The following ALDH5A1 variants were observed in gnomAD, a reference collection of about 807,000 sequenced individuals.
ALDH5A1 encodes aldehyde dehydrogenase 5 family member A1.
A neutral mutation model predicts 54.7 loss-of-function variants in ALDH5A1; 33 were observed. That is an observed-to-expected ratio of 0.60 (90% confidence interval 0.46 to 0.81). The LOEUF (loss-of-function observed/expected upper bound fraction) is 0.81. Ranked by LOEUF, ALDH5A1 falls within the 30% of genes least tolerant of loss-of-function variation. ALDH5A1 has a pLI of 0.00. For missense variants in ALDH5A1, 657 were observed against 711.0 expected, an observed-to-expected ratio of 0.92 and a Z score of 0.86; for synonymous variants, 294 against 292.7, an observed-to-expected ratio of 1.00 and a Z score of -0.05.
At chr6:24,506,373 C>T (rs1254008452) in intron 4 of ALDH5A1, among the ~76,000 whole-genome samples, 4 of 149,962 alleles carry the variant, frequency 2.7e-5, no homozygotes, top group African/African-American at 9.8e-5. Flanking sequence ...CTGCCTCAGC[C>T]TCCCGAGTAG....
intron 4 of ALDH5A1, 143 bp from the exon 5 acceptor site, chr6:24,515,024 A>G: frequency 1.3e-6 from 1 of 799,642 alleles, no homozygotes; most frequent in Non-Finnish European, 2.0e-6. Flanking sequence ...CTTCAAATAT[A>G]TTCTTAGTCT....
intron 1 of ALDH5A1, among the ~76,000 whole-genome samples, chr6:24,499,710 G>A (rs183698722): frequency 0.047 from 4,701 of 100,276 alleles, 166 homozygotes; most frequent in African/African-American, 0.12. Context: ...TCTGTCACCC[G>A]GGCTGGAGTG....
At position 24,495,201 on chromosome 6, in the gene ALDH5A1, T is replaced by C. The variant is rs1333816263; in HGVS notation, c.205T>C (p.Trp69Arg). 6.6e-7 allele frequency: 1 copy of C among 1,506,022 alleles called. No homozygotes were observed. The allele number at this position is 1,506,022 out of a possible 1,614,324, so 93.3% of individuals were successfully genotyped here. A position where few individuals can be genotyped will look rare whatever the true frequency, so the allele number is the denominator to read the frequency against. ...CACCGACAGCTTCGTGGGCGGCCGCTGGCTCCCGGCCGCCGCCACCTTCCC... is the reference window on the plus strand; with the variant it reads ...CACCGACAGCTTCGTGGGCGGCCGCCGGCTCCCGGCCGCCGCCACCTTCCC... Reference protein sequence around the residue: ...LRTDSFVGGRWLPAAATFPVQ... With the variant: ...LRTDSFVGGRRLPAAATFPVQ... The change falls in exon 1 of 10, where the codon TGG becomes CGG. Residue 69 changes from tryptophan to arginine, a missense_variant. Physicochemically the swap from Trp to Arg is moderately radical, Grantham distance 101. Around this residue, in one of 2 missense-constraint regions of ALDH5A1, gnomAD observed 232 missense variants for 194.6 expected, o/e 1.19. Transcript: ENST00000357578.
intron 5 of ALDH5A1, among the ~76,000 whole-genome samples, chr6:24,519,876 T>C (rs1222192916): frequency 6.6e-6 from 1 of 152,138 alleles, no homozygotes; most frequent in Non-Finnish European, 1.5e-5. Flanking sequence ...TTTATTTTCT[T>C]ATCTCTATGA....
At chr6:24,532,231 G>A in intron 9 of ALDH5A1, 54 bp downstream of exon 9, 1 of 1,567,340 alleles carries the variant, frequency 6.4e-7, no homozygotes, top group African/African-American at 1.3e-5. Flanking sequence ...TCCAGCTCAT[G>A]CCAGATTTAC....
chr6:24,529,127 C>A (rs1354261052), intron 8 of ALDH5A1, among the ~76,000 whole-genome samples: 3 of 152,008 alleles, frequency 2.0e-5, no homozygotes, highest in Non-Finnish European at 4.4e-5. Context: ...TAGGTTCAAC[C>A]CTTTGGAGAT....
At position 24,503,432 on chromosome 6, in the gene ALDH5A1, C is replaced by G; in HGVS notation, c.608C>G (p.Pro203Arg). 1.9e-6 allele frequency: 3 copies of G among 1,611,808 alleles called. No homozygotes were observed. Among genetic ancestry groups the G allele is most frequent in the Non-Finnish European group, 2.5e-6 (3 of 1,179,872 alleles). The change falls in exon 3 of 10, where the codon CCG becomes CGG. Residue 203 changes from proline (P) to arginine (R), a missense_variant and splice_region_variant. This residue lies in a region of ALDH5A1 where 425 missense variants were observed against 516.4 expected (regional missense o/e 0.82). Coordinates refer to ENST00000357578, the MANE Select transcript of ALDH5A1 (RefSeq NM_001080.3). Reference sequence around the variant, plus strand: ...ATAGGCGTGGCTGCAGTCATCACCCCGGTAGGTGACAGGATCAGCAAGATC... The same window carrying G: ...ATAGGCGTGGCTGCAGTCATCACCCGGGTAGGTGACAGGATCAGCAAGATC... ...QPIGVAAVIT[P>R]WNFPSAMITR...
intron 4 of ALDH5A1, among the ~76,000 whole-genome samples, chr6:24,508,361 CAAAAAAAAAAAAAA>C (rs1214819272): frequency 7.7e-5 from 1 of 13,064 alleles, no homozygotes; most frequent in East Asian, 1.6e-3. Flanking sequence ...ACTCCATCTC[CAAAAAAAAAAAAAA>C]AAAAAAAAAA....
In ALDH5A1 at chr6:24,502,543, G is replaced by A. The variant is rs1561869241; in HGVS notation, c.375G>A (p.Arg125=). 1.9e-6 allele frequency: 3 copies of A among 1,613,054 alleles called. No individual in the cohort carries two copies. The highest frequency in any genetic ancestry group is 2.5e-6 in the Non-Finnish European group (3 of 1,179,076). ...TGCAGGAGAGGAGTTCATTACTTCG[G>A]AAGTGGTACAATTTAATGATACAAA... ...VSAKERSSLL[R]KWYNLMIQNK... is the part of the protein sequence containing the mutation. The change falls in exon 2 of 10, where the codon CGG becomes CGA. Residue 125 remains arginine, a synonymous_variant. Transcript: ENST00000357578.
At chr6:24,520,805 C>G (rs575823223) in intron 6 of ALDH5A1, among the ~76,000 whole-genome samples, 1 of 152,184 alleles carries the variant, frequency 6.6e-6, no homozygotes, top group Non-Finnish European at 1.5e-5. Context: ...ATACTAGGCT[C>G]AGAGGGGCCC....
chr6:24,531,818 C>CT (rs892839940), intron 8 of ALDH5A1, among the ~76,000 whole-genome samples: 78 of 151,324 alleles, frequency 5.2e-4, no homozygotes, highest in African/African-American at 1.4e-3. Flanking sequence ...AATAGTAATC[C>CT]TTTTTTTTTA....
chr6:24,522,736 CTG>C, intron 6 of ALDH5A1, 29 bp from the exon 7 acceptor site: 2 of 1,612,576 alleles, frequency 1.2e-6, no homozygotes, highest in Non-Finnish European at 1.7e-6. Flanking sequence ...TTCTGACAGA[CTG>C]TGTGGGTTTG....
chr6:24,502,594 C>G lies in ALDH5A1; in HGVS notation c.426C>G (p.Ile142Met), dbSNP rs1338464163. ...ATAAGGATGACCTTGCCAGAATAAT[C>G]ACAGCTGAAAGTGTAAGTTCAGGGT... ...IQNKDDLARI[I>M]TAESGKPLKE... The change falls in exon 2 of 10, where the codon ATC becomes ATG. Residue 142 changes from isoleucine (I) to methionine (M), a missense_variant. Transcript: ENST00000357578. 2 of 1,612,620 alleles carry G rather than the reference C, an allele frequency of 1.2e-6. No homozygotes were observed. The highest frequency in any genetic ancestry group is 2.7e-5 in the African/African-American group (2 of 74,892).
chr6:24,502,525 G>A lies in ALDH5A1; in HGVS notation c.357G>A (p.Glu119=). 6.2e-7 allele frequency: 1 copy of A among 1,608,842 alleles called. No individual in the cohort carries two copies. Among genetic ancestry groups the A allele is most frequent in the Non-Finnish European group, 8.5e-7 (1 of 1,175,174 alleles). ...FCRWREVSAK[E]RSSLLRKWYN... is the part of the protein sequence containing the mutation. ...CTGCCTTGTTATTTCTTTTGCAGGAGAGGAGTTCATTACTTCGGAAGTGGT... is the reference window on the plus strand; with the variant it reads ...CTGCCTTGTTATTTCTTTTGCAGGAAAGGAGTTCATTACTTCGGAAGTGGT... The change falls in exon 2 of 10, where the codon GAG becomes GAA. Residue 119 remains glutamate (E), a splice_region_variant and synonymous_variant. Transcript: ENST00000357578.
At chr6:24,501,940 T>TAC (rs1764829855) in intron 1 of ALDH5A1, among the ~76,000 whole-genome samples, 2 of 127,134 alleles carry the variant, frequency 1.6e-5, no homozygotes, top group Non-Finnish European at 1.6e-5. Context: ...TGTGTGTGTG[T>TAC]ATATATATAT....
rs1387194736 is a variant in ALDH5A1, at chr6:24,534,148, G to A, written c.*436G>A. The A allele has an allele frequency of 1.0e-5, 2 of 199,208 alleles. No individual in the cohort carries two copies. The highest frequency in any genetic ancestry group is 2.1e-5 in the Non-Finnish European group (2 of 95,808). The allele number at this position is 199,208 out of a possible 1,614,324, so 12.3% of individuals were successfully genotyped here. A position where few individuals can be genotyped will look rare whatever the true frequency, so the allele number is the denominator to read the frequency against. On this transcript the variant is annotated 3_prime_UTR_variant, in exon 10 of 10. Transcript: ENST00000357578. ...TGACTGTGACTGGCAGGCAGGTGAG[G>A]GGCACAGCACCCCTCCCCGGCATCT...
In ALDH5A1 at chr6:24,518,281, G is replaced by A. The variant is rs1431038479; in HGVS notation, c.871-2120G>A. ...TCTTTGGAAGCTGAGGCCCTGAGGA[G>A]GTCAGCCCATGGGAACTGGAGCTGG... is the stretch of plus-strand genomic sequence containing the variant. On this transcript the variant is annotated intron_variant, in intron 5 of 9. Transcript: ENST00000357578. This position sits in a 1 kb window ranked among gnomAD's most constrained non-coding sequence, Gnocchi z 4.2. Among the ~76,000 whole-genome samples, 1 of 152,252 alleles carries A rather than the reference G, an allele frequency of 6.6e-6. No individual in the cohort carries two copies. Among genetic ancestry groups the A allele is most frequent in the East Asian group, 1.9e-4 (1 of 5,204 alleles).
intron 1 of ALDH5A1, among the ~76,000 whole-genome samples, chr6:24,502,142 A>C (rs1260351767): frequency 6.6e-6 from 1 of 152,126 alleles, no homozygotes; most frequent in African/African-American, 2.4e-5. Context: ...ACCAGGAATG[A>C]CAATGTCTGG....
intron 7 of ALDH5A1, among the ~76,000 whole-genome samples, chr6:24,526,984 A>AC (rs1561878733): frequency 6.6e-5 from 2 of 30,154 alleles, no homozygotes; most frequent in Admixed American, 3.0e-4. Flanking sequence ...GTATATATAT[A>AC]TATATATATA....
Sources: gnomAD v4.1 joint callset for allele counts (sites outside exome capture counted in the v4.1 genomes callset) on GRCh38, gnomAD v4.1.1 for gene constraint, gnomAD v4.1.1 regional missense constraint, Gnocchi (gnomAD v3.1) non-coding constraint, MANE v1.5 for transcripts, NCBI Gene and HGNC (gene_info 2026-07-23, HGNC 2026-07-21) for gene names.